The following ESRRG variants were observed in gnomAD, a reference collection of about 807,000 sequenced individuals.
The protein encoded by ESRRG is estrogen-related receptor gamma.
ESRRG carries 13 observed loss-of-function variants against 44.0 expected under a neutral mutation model. The ratio of observed to expected loss-of-function variants is 0.30; its 90% confidence interval spans 0.19 to 0.47. The LOEUF is 0.47. ESRRG is among the 20% of genes least tolerant of loss of function. ESRRG has a pLI of 1.00. For missense variants in ESRRG, 395 were observed against 580.6 expected, an observed-to-expected ratio of 0.68 and a Z score of 3.29; for synonymous variants, 215 against 214.6, an observed-to-expected ratio of 1.00 and a Z score of -0.02.
chr1:216,913,651 G>A (rs2060778001), intron 2 of ESRRG, among the ~76,000 whole-genome samples: 1 of 152,236 alleles, frequency 6.6e-6, no homozygotes, highest in Admixed American at 6.5e-5. Context: ...CAAGCGTGCT[G>A]CATCTGTTTC....
At chr1:217,025,003 A>G (rs529941215) in intron 1 of ESRRG, among the ~76,000 whole-genome samples, 1 of 152,296 alleles carries the variant, frequency 6.6e-6, no homozygotes, top group South Asian at 2.1e-4. Context: ...GCTTGGAAGA[A>G]GCAGCACCAG....
At chr1:216,997,783 C>A (rs1175918489) in intron 1 of ESRRG, among the ~76,000 whole-genome samples, 1 of 152,122 alleles carries the variant, frequency 6.6e-6, no homozygotes, top group Non-Finnish European at 1.5e-5. Flanking sequence ...TTCCACCATA[C>A]AATGCTAGCA....
At position 216,793,862 on chromosome 1, in the gene ESRRG, T is replaced by C. The variant is rs566666414; in HGVS notation, c.-13-116371A>G. The stretch of plus-strand genomic sequence containing the variant: ...GTGCCTAAGGACATAACAGATCCAA[T>C]AACCATTTTCTGAATGAATGATCCT... On this transcript the variant is annotated intron_variant, in intron 2 of 7. Coordinates refer to the ESRRG transcript ENST00000359162. Among the ~76,000 whole-genome samples, 198 of 152,182 alleles carry C rather than the reference T, an allele frequency of 1.3e-3. 4 individuals carry two copies. The South Asian group carries it at 0.023, about 18-fold the overall frequency.
intron 3 of ESRRG, among the ~76,000 whole-genome samples, chr1:216,627,603 C>A (rs796144455): frequency 1.1e-4 from 16 of 152,258 alleles, no homozygotes; most frequent in African/African-American, 3.6e-4. Flanking sequence ...TCCCAAATAC[C>A]TGGACAGAAA....
At chr1:217,102,099 C>A (rs974496018) in intron 1 of ESRRG, among the ~76,000 whole-genome samples, 7 of 152,258 alleles carry the variant, frequency 4.6e-5, no homozygotes, top group African/African-American at 1.7e-4. Context: ...AGCCACCGCA[C>A]CCTGCCTAAA....
chr1:216,522,022 C>G (rs2046231076), intron 5 of ESRRG, among the ~76,000 whole-genome samples: 1 of 152,078 alleles, frequency 6.6e-6, no homozygotes, highest in Non-Finnish European at 1.5e-5. Context: ...TACAAATTAA[C>G]AATGTTACAG....
chr1:217,103,098 T>C (rs959848971), intron 1 of ESRRG, among the ~76,000 whole-genome samples: 1 of 152,182 alleles, frequency 6.6e-6, no homozygotes, highest in Non-Finnish European at 1.5e-5. Context: ...TCTGGAAGGC[T>C]TGGATTGGAG....
intron 1 of ESRRG, among the ~76,000 whole-genome samples, chr1:217,063,553 T>G (rs1416526): frequency 0.16 from 24,693 of 152,134 alleles, 2,097 homozygotes; most frequent in South Asian, 0.27. Flanking sequence ...GGGCTGCTTA[T>G]AAACTGGGAT....
At chr1:216,516,662 C>CAGAG (rs1374230420) in intron 6 of ESRRG, among the ~76,000 whole-genome samples, 3 of 126,368 alleles carry the variant, frequency 2.4e-5, no homozygotes, top group African/African-American at 3.7e-5. Context: ...CACACACACA[C>CAGAG]ACACACAGAG....
intron 1 of ESRRG, among the ~76,000 whole-genome samples, chr1:217,137,154 G>C (rs2093061130): frequency 6.6e-6 from 1 of 152,120 alleles, no homozygotes; most frequent in South Asian, 2.1e-4. Context: ...CTACACAAGA[G>C]GTCAAACGCC....
At chr1:217,103,334 T>C (rs2092545620) in intron 1 of ESRRG, among the ~76,000 whole-genome samples, 4 of 152,044 alleles carry the variant, frequency 2.6e-5, no homozygotes, top group Admixed American at 2.6e-4. Flanking sequence ...CTAGACTTCC[T>C]GCTCAATGAG....
At chr1:216,598,259 C>A (rs1011207682) in intron 3 of ESRRG, among the ~76,000 whole-genome samples, 11 of 152,182 alleles carry the variant, frequency 7.2e-5, no homozygotes, top group Admixed American at 5.2e-4. Context: ...TGGTGCAATT[C>A]ATCCTGCCAG....
chr1:217,031,567 CTAA>C (rs1261990298), intron 1 of ESRRG, among the ~76,000 whole-genome samples: 6 of 152,212 alleles, frequency 3.9e-5, no homozygotes, highest in African/African-American at 1.4e-4. Flanking sequence ...CAACTTTAAT[CTAA>C]TTTTGTAGCA....
chr1:217,009,913 C>T (rs1001621080), intron 1 of ESRRG, among the ~76,000 whole-genome samples: 2 of 151,980 alleles, frequency 1.3e-5, no homozygotes, highest in Admixed American at 1.3e-4. Flanking sequence ...ACCATCTTGG[C>T]CAGGCTGGTC....
intron 1 of ESRRG, among the ~76,000 whole-genome samples, chr1:216,962,740 A>G (rs1359374572): frequency 2.0e-5 from 3 of 152,172 alleles, no homozygotes; most frequent in Admixed American, 6.5e-5. Context: ...AAAGCTTTCT[A>G]AAAAGACACT....
intron 2 of ESRRG, among the ~76,000 whole-genome samples, chr1:216,835,221 TTAAC>T (rs1469374044): frequency 6.6e-6 from 1 of 152,084 alleles, no homozygotes. Context: ...TTAAAGGAGT[TTAAC>T]TGAGCAATGA....
intron 2 of ESRRG, among the ~76,000 whole-genome samples, chr1:216,652,562 A>G (rs967900204): frequency 2.0e-5 from 3 of 152,300 alleles, no homozygotes; most frequent in African/African-American, 7.2e-5. Context: ...CAGGGCATTT[A>G]TAATAATAAA....
intron 2 of ESRRG, among the ~76,000 whole-genome samples, chr1:216,831,725 A>G (rs1406830043): frequency 6.6e-6 from 1 of 152,110 alleles, no homozygotes; most frequent in Non-Finnish European, 1.5e-5. Context: ...TTTACAAAAA[A>G]TTTTCCAGGC....
intron 2 of ESRRG, among the ~76,000 whole-genome samples, chr1:216,903,428 AGTGTGTGTGTGT>A (rs58137897): frequency 6.7e-6 from 1 of 148,198 alleles, no homozygotes; most frequent in South Asian, 2.2e-4. Context: ...TGTGTGTTCA[AGTGTGTGTGTGT>A]GTGTGTGTGT....
Sources: gnomAD v4.1 joint callset for allele counts (sites outside exome capture counted in the v4.1 genomes callset) on GRCh38, gnomAD v4.1.1 for gene constraint, MANE v1.5 for transcripts, NCBI Gene and HGNC (gene_info 2026-07-23, HGNC 2026-07-21) for gene names.